The following ABR variants were observed in gnomAD, a reference collection of about 807,000 sequenced individuals.
ABR encodes the protein active breakpoint cluster region-related protein.
Under a neutral mutation model 107.2 loss-of-function variants are expected in ABR, and 35 were observed. The ratio of observed to expected loss-of-function variants is 0.33; its 90% CI spans 0.25 to 0.43. The LOEUF (loss-of-function observed/expected upper bound fraction) is 0.43, where lower values mean the gene tolerates loss of function less well. Among genes scored for constraint, ABR ranks in the 20% least tolerant of loss-of-function variants. The pLI is 1.00. For synonymous variants in ABR, 498 were observed against 462.0 expected, an observed-to-expected ratio of 1.08 and a Z score of -1.00; for missense variants, 815 against 1,115.2, an observed-to-expected ratio of 0.73 and a Z score of 3.83.
At chr17:1,212,595 A>C (rs1228713642) in intron 1 of ABR, among the ~76,000 whole-genome samples, 2 of 148,888 alleles carry the variant, frequency 1.3e-5, no homozygotes, top group Admixed American at 6.7e-5. Flanking sequence ...TCTCTACTAA[A>C]AATACAAAAA....
chr17:1,140,267 G>C (rs113575679), intron 1 of ABR, among the ~76,000 whole-genome samples: 2,681 of 152,290 alleles, frequency 0.018, 37 homozygotes, highest in Non-Finnish European at 0.027. Context: ...GGACAGGAAG[G>C]GGGAGCTGGT....
In ABR at chr17:1,171,397, A is replaced by G. The variant is rs74888175; in HGVS notation, c.61+8270T>C. Among the ~76,000 whole-genome samples, 27 of 152,274 alleles carry G rather than the reference A, an allele frequency of 1.8e-4. 1 individual carries two copies. In the East Asian group the frequency reaches 5.2e-3, roughly 29 times the overall value. ...CGAGTAAGCCCACAGATCCCTGCTC[A>G]ATACCAGGCTTCTCTAGGCAGCACC... On this transcript the variant is annotated intron_variant, in intron 1 of 22. Transcript: ENST00000302538.
At position 1,124,562 on chromosome 17, in the gene ABR, C is replaced by T. The variant is rs115344250; in HGVS notation, c.246+621G>A. 4.2e-3 allele frequency among the ~76,000 whole-genome samples: 636 copies of T among 152,342 alleles called. 6 individuals are homozygous for T. The highest frequency in any genetic ancestry group is 0.014 in the African/African-American group (580 of 41,548). On this transcript the variant is annotated intron_variant, in intron 2 of 22. Coordinates refer to ENST00000302538, the MANE Select transcript of ABR (RefSeq NM_021962.5). ...GCCAGGAACACGTTAATGACAAGGA[C>T]CGCAAACCCTCCACAGTTTCTATCC...
chr17:1,226,760 G>A lies in ABR; in HGVS notation c.838+2033C>T, dbSNP rs571096853. Among the ~76,000 whole-genome samples the A allele has an allele frequency of 2.2e-3, 333 of 151,156 alleles. 2 individuals are homozygous for A. Among genetic ancestry groups the A allele is most frequent in the African/African-American group, 7.9e-3 (324 of 41,110 alleles). On this transcript the variant is annotated intron_variant, in intron 1 of 22. Coordinates refer to the ABR transcript ENST00000574139. The stretch of plus-strand genomic sequence containing the variant: ...CGTATATACATGTGCTGCTGTGCGT[G>A]TGTGTGCATGCATGTGACAGTGTAC...
intron 6 of ABR, among the ~76,000 whole-genome samples, chr17:1,074,982 T>C (rs1275426935): frequency 6.6e-6 from 1 of 151,688 alleles, no homozygotes; most frequent in African/African-American, 2.4e-5. Context: ...CTCAAACACG[T>C]GGCAGCCTGA....
chr17:1,032,261 A>C (rs1336760665), intron 16 of ABR, among the ~76,000 whole-genome samples: 3 of 152,002 alleles, frequency 2.0e-5, no homozygotes, highest in African/African-American at 7.2e-5. Flanking sequence ...CCCCACCCCC[A>C]ACTTCTGCCC....
chr17:1,121,284 G>A (rs2039334141), intron 2 of ABR, among the ~76,000 whole-genome samples: 3 of 152,252 alleles, frequency 2.0e-5, no homozygotes, highest in Admixed American at 2.0e-4. Context: ...TTCACCCGGG[G>A]CCACCCCATG....
rs1012487856 is a variant in ABR at position 1,154,381 on chromosome 17, A to G, written c.61+25286T>C. ...CTTCAGAATTCAACAGGTGCAGCTT[A>G]CAGTTCCCGTCCCGTGGTGCTGCCT... On this transcript the variant is annotated intron_variant, in intron 1 of 22. Coordinates refer to ENST00000302538, the MANE Select transcript of ABR (RefSeq NM_021962.5). This position sits in a 1 kb window ranked among gnomAD's most constrained non-coding sequence, Gnocchi z 4.0. The G allele has an allele frequency of 3.0e-4, 45 of 152,292 alleles. No homozygotes were observed. The highest frequency in any genetic ancestry group is 1.0e-3 in the African/African-American group (42 of 41,430). 9.4% of individuals were successfully genotyped at this position (152,292 alleles called of 1,614,324 possible).
rs2035271156 is a variant in ABR, at chr17:1,071,935, A to G, written c.894+679T>C. 6.6e-6 allele frequency among the ~76,000 whole-genome samples: 1 copy of G among 152,022 alleles called. No individual in the cohort carries two copies. The highest frequency in any genetic ancestry group is 1.5e-5 in the Non-Finnish European group (1 of 67,984). On this transcript the variant is annotated intron_variant, in intron 8 of 22. Transcript: ENST00000302538. This position sits in a 1 kb window ranked among gnomAD's most constrained non-coding sequence, Gnocchi z 5.1. ...ATTATTATTTCTGAGATGGAGTCTC[A>G]CTCTGTCACCCAGGCTGGAGTGCAG...
At chr17:1,104,925 A>G (rs2038143174) in intron 2 of ABR, among the ~76,000 whole-genome samples, 1 of 151,400 alleles carries the variant, frequency 6.6e-6, no homozygotes, top group Non-Finnish European at 1.5e-5. Flanking sequence ...GGTTGTTCAT[A>G]TCCCACCCTT....
At chr17:1,076,765 G>A (rs1042710744) in intron 6 of ABR, among the ~76,000 whole-genome samples, 5 of 147,048 alleles carry the variant, frequency 3.4e-5, no homozygotes, top group Non-Finnish European at 5.9e-5. Context: ...CATCAGATAC[G>A]GAGGGAACCG....
rs991430166 is a variant in ABR, at chr17:1,078,164, C to G, written c.700+1166G>C. ...CAGAGTAGCTTGCCACACCCCTCTC[C>G]CGCTGGCCCTGCCGACCTGCCTTCC... On this transcript the variant is annotated intron_variant, in intron 6 of 22. Coordinates refer to ENST00000302538, the MANE Select transcript of ABR (RefSeq NM_021962.5). The surrounding 1 kb of genome is among the most constrained non-coding windows in gnomAD (Gnocchi z 7.5). 8.4e-4 allele frequency among the ~76,000 whole-genome samples: 128 copies of G among 151,816 alleles called. No homozygotes were observed. The highest frequency in any genetic ancestry group is 3.0e-3 in the African/African-American group (126 of 41,464).
chr17:1,189,961 C>T (rs1567877674), upstream of ABR, among the ~76,000 whole-genome samples: 1 of 152,194 alleles, frequency 6.6e-6, no homozygotes, highest in Non-Finnish European at 1.5e-5. Context: ...TGGAATGAGG[C>T]AGTACAGGTG....
At chr17:1,198,423 G>T (rs145733654) in intron 1 of ABR, among the ~76,000 whole-genome samples, 1,944 of 151,502 alleles carry the variant, frequency 0.013, 138 homozygotes, top group African/African-American at 0.045. Flanking sequence ...TTCCCACCTG[G>T]CCTCTGCCTG....
chr17:1,008,740 T>G (rs760890793), intron 21 of ABR, among the ~76,000 whole-genome samples: 1 of 152,154 alleles, frequency 6.6e-6, no homozygotes, highest in Non-Finnish European at 1.5e-5. Flanking sequence ...CAGGGAAGAA[T>G]TGTTCCGCAG....
At chr17:1,135,300 T>C (rs1011954149) in intron 1 of ABR, among the ~76,000 whole-genome samples, 1 of 152,158 alleles carries the variant, frequency 6.6e-6, no homozygotes, top group Non-Finnish European at 1.5e-5. Context: ...ACCTGGCCCA[T>C]GATCCTCTGC....
At chr17:1,086,899 G>A (rs73289698) in intron 4 of ABR, among the ~76,000 whole-genome samples, 18,597 of 151,878 alleles carry the variant, frequency 0.12, 1,521 homozygotes, top group African/African-American at 0.24. Flanking sequence ...ACTTGAGCCC[G>A]AGTTCAAGTC....
At chr17:1,186,530 C>T (rs2042300903) in intron 1 of ABR, among the ~76,000 whole-genome samples, 2 of 152,226 alleles carry the variant, frequency 1.3e-5, no homozygotes, top group Admixed American at 6.5e-5. Context: ...TCCCCACACG[C>T]CCCCACACAC....
chr17:1,161,879 G>A lies in ABR; in HGVS notation c.61+17788C>T, dbSNP rs564728088. On this transcript the variant is annotated intron_variant, in intron 1 of 22. Coordinates refer to ENST00000302538, the MANE Select transcript of ABR (RefSeq NM_021962.5). ...CAGAAGTCACTCCTTTTACAGCCGG[G>A]CCGAAGGCACCTGTTAGGTCCTCTC... Among the ~76,000 whole-genome samples the A allele has an allele frequency of 5.3e-5, 8 of 152,190 alleles. No individual in the cohort carries two copies. The East Asian group carries it at 1.4e-3, about 26-fold the overall frequency.
Sources: gnomAD v4.1 joint callset for allele counts (sites outside exome capture counted in the v4.1 genomes callset) on GRCh38, gnomAD v4.1.1 for gene constraint, Gnocchi (gnomAD v3.1) non-coding constraint, MANE v1.5 for transcripts, NCBI Gene and HGNC (gene_info 2026-07-23, HGNC 2026-07-21) for gene names.